The following POLR3C variants were observed in gnomAD, a reference collection of about 807,000 sequenced individuals.
POLR3C encodes the protein DNA-directed RNA polymerase III subunit RPC3.
POLR3C carries 44 observed loss-of-function variants against 65.9 expected under a neutral mutation model. That is an observed-to-expected ratio of 0.67 (90% CI 0.52 to 0.86). The LOEUF is 0.86. POLR3C is among the 40% of genes least tolerant of loss of function. POLR3C has a pLI of 0.00. For missense variants in POLR3C, 576 were observed against 653.2 expected (o/e 0.88, Z 1.29); for synonymous variants, 263 against 231.6 (o/e 1.14, Z -1.23).
intron 7 of POLR3C, among the ~76,000 whole-genome samples, chr1:145,834,014 T>C (rs1010204121): frequency 2.0e-5 from 3 of 152,188 alleles, no homozygotes; most frequent in Admixed American, 2.0e-4. Context: ...TTAGGTGATT[T>C]CATCATTGTG....
chr1:145,825,294 G>T (rs587683401), intron 1 of POLR3C, among the ~76,000 whole-genome samples: 1 of 151,986 alleles, frequency 6.6e-6, no homozygotes, highest in African/African-American at 2.4e-5. Flanking sequence ...TGTGTTTTTA[G>T]TAGAGAAGGG....
At chr1:145,829,642 C>T (rs1312799120) in intron 5 of POLR3C, among the ~76,000 whole-genome samples, 12 of 152,306 alleles carry the variant, frequency 7.9e-5, no homozygotes, top group African/African-American at 2.6e-4. Flanking sequence ...TCTAGGTCTT[C>T]GTATGATCTG....
chr1:145,825,371 A>G (rs1553725498), intron 1 of POLR3C, among the ~76,000 whole-genome samples: 1 of 152,190 alleles, frequency 6.6e-6, no homozygotes, highest in East Asian at 1.9e-4. Context: ...TCGGTCTCCC[A>G]AAGTGCTAGG....
chr1:145,831,246 C>T (rs782442680), intron 5 of POLR3C, among the ~76,000 whole-genome samples: 3 of 152,024 alleles, frequency 2.0e-5, no homozygotes, highest in East Asian at 1.9e-4. Context: ...AGGCCGGGTG[C>T]GGTAATGCCT....
intron 12 of POLR3C, 54 bp from the exon 13 acceptor site, chr1:145,840,062 T>C (rs1652168184): frequency 6.6e-7 from 1 of 1,523,062 alleles, no homozygotes; most frequent in African/African-American, 1.4e-5. Context: ...CACTTCGCCC[T>C]GAGCTGCTGA....
chr1:145,833,402 C>G (rs1367779323), intron 6 of POLR3C, 38 bp downstream of exon 6: 3 of 1,530,510 alleles, frequency 2.0e-6, no homozygotes, highest in Non-Finnish European at 2.7e-6. Flanking sequence ...TCATCAGGGA[C>G]ATTTACTTAT....
chr1:145,842,326 A>C lies in POLR3C; in HGVS notation c.1524-13A>C. On this transcript the variant is annotated splice_polypyrimidine_tract_variant and intron_variant, in intron 14 of 14. Transcript: ENST00000334163. Reference sequence around the variant, plus strand: ...ACATTCAGTCTAGGCAAATGCCTTTACTTTTCACTCAGGTTGGATGCCAGT... The same window carrying C: ...ACATTCAGTCTAGGCAAATGCCTTTCCTTTTCACTCAGGTTGGATGCCAGT... 2 of 1,568,038 alleles carry C rather than the reference A, an allele frequency of 1.3e-6. No individual in the cohort carries two copies. Among genetic ancestry groups the C allele is most frequent in the Non-Finnish European group, 1.8e-6 (2 of 1,141,026 alleles).
At chr1:145,833,008 A>C (rs1368261658) in intron 5 of POLR3C, among the ~76,000 whole-genome samples, 4 of 152,156 alleles carry the variant, frequency 2.6e-5, no homozygotes, top group African/African-American at 9.7e-5. Context: ...GGTGACGAGC[A>C]AAACTCCGTC....
intron 10 of POLR3C, 87 bp from the exon 11 acceptor site, chr1:145,837,969 A>G (rs1651985154): frequency 1.6e-6 from 2 of 1,220,566 alleles, no homozygotes; most frequent in Non-Finnish European, 2.4e-6. Flanking sequence ...GGCTTCACAC[A>G]TGGAATAGAA....
chr1:145,838,352 C>A, intron 11 of POLR3C, 146 bp downstream of exon 11: 1 of 709,252 alleles, frequency 1.4e-6, no homozygotes, highest in South Asian at 1.8e-5. Context: ...ACATAGCGAG[C>A]ACTTGGAGGA....
chr1:145,836,181 C>T (rs1425395708), intron 7 of POLR3C, among the ~76,000 whole-genome samples: 1 of 149,322 alleles, frequency 6.7e-6, no homozygotes, highest in East Asian at 2.0e-4. Flanking sequence ...AGTCCATTGG[C>T]GCAATCTCGG....
In POLR3C at chr1:145,842,483, T is replaced by A; in HGVS notation, c.*63T>A. The A allele has an allele frequency of 9.3e-7, 1 of 1,071,640 alleles. No homozygotes were observed. Among genetic ancestry groups the A allele is most frequent in the Non-Finnish European group, 1.5e-6 (1 of 688,846 alleles). The allele number at this position is 1,071,640 out of a possible 1,614,324, so 66.4% of individuals were successfully genotyped here. ...TGGAAAGCAAAATAAAGGAGGTGCCTGGATGCATTATTTGCAGTGGGATAA... is the reference window on the plus strand; with the variant it reads ...TGGAAAGCAAAATAAAGGAGGTGCCAGGATGCATTATTTGCAGTGGGATAA... On this transcript the variant is annotated 3_prime_UTR_variant, in exon 15 of 15. Transcript: ENST00000334163.
chr1:145,836,464 A>G, intron 7 of POLR3C, 30 bp from the exon 8 acceptor site: 1 of 1,318,706 alleles, frequency 7.6e-7, no homozygotes, highest in Non-Finnish European at 1.1e-6. Context: ...TAAGTTCCCA[A>G]ACCCATTTTA....
chr1:145,835,189 C>T (rs1553728265), intron 7 of POLR3C, among the ~76,000 whole-genome samples: 1 of 150,742 alleles, frequency 6.6e-6, no homozygotes. Context: ...CAGCTCACAC[C>T]CGTAATCCCA....
chr1:145,825,282 T>A (rs1650630166), intron 1 of POLR3C, among the ~76,000 whole-genome samples: 1 of 151,988 alleles, frequency 6.6e-6, no homozygotes, highest in South Asian at 2.1e-4. Context: ...CTAATTTTTT[T>A]GTGTGTTTTT....
rs1553729933 is a variant in POLR3C at position 145,839,927 on chromosome 1, C to A, written c.1259C>A (p.Thr420Asn). 1 of 1,610,816 alleles carries A rather than the reference C, an allele frequency of 6.2e-7. No individual in the cohort carries two copies. Among genetic ancestry groups the A allele is most frequent in the South Asian group, 1.1e-5 (1 of 91,008 alleles). The stretch of plus-strand genomic sequence containing the variant: ...ACACCAGACCATGCCCCATCCAGGA[C>A]CTTCTATTTATATACTGTGAACATC... ...PKTPDHAPSR[T>N]FYLYTVNILS... The change falls in exon 12 of 15, where the codon ACC becomes AAC. Residue 420 changes from threonine to asparagine, a missense_variant. Thr to Asn is a moderately conservative substitution (Grantham distance 65). Coordinates refer to ENST00000334163, the MANE Select transcript of POLR3C (RefSeq NM_006468.8).
chr1:145,828,601 G>A, intron 4 of POLR3C, 148 bp from the exon 5 acceptor site: 1 of 604,838 alleles, frequency 1.7e-6, no homozygotes. Flanking sequence ...AGTTACTTGA[G>A]TTTCTTATAG....
In POLR3C at chr1:145,836,476, G is replaced by A. The variant is rs781814876; in HGVS notation, c.877-18G>A. On this transcript the variant is annotated intron_variant, in intron 7 of 14. Transcript: ENST00000334163. The stretch of plus-strand genomic sequence containing the variant: ...TTCTAAGTTCCCAAACCCATTTTAA[G>A]TGTCCTTTGCTCCATAGATCTTCAG... The A allele has an allele frequency of 6.8e-7, 1 of 1,469,236 alleles. No individual in the cohort carries two copies. 91.0% of individuals were successfully genotyped at this position (1,469,236 alleles called of 1,614,324 possible). A position where few individuals can be genotyped will look rare whatever the true frequency, so the allele number is the denominator to read the frequency against.
chr1:145,833,078 AG>A (rs1343039301), intron 5 of POLR3C, among the ~76,000 whole-genome samples, 181 bp from the exon 6 acceptor site: 1 of 152,174 alleles, frequency 6.6e-6, no homozygotes, highest in Non-Finnish European at 1.5e-5. Context: ...ATTGGAGATG[AG>A]CTTAGAAAAC....
Sources: gnomAD v4.1 joint callset for allele counts (sites outside exome capture counted in the v4.1 genomes callset) on GRCh38, gnomAD v4.1.1 for gene constraint, MANE v1.5 for transcripts, NCBI Gene and HGNC (gene_info 2026-07-23, HGNC 2026-07-21) for gene names.